Variants in MFHAS1 observed in about 807,000 individuals in gnomAD.
The protein encoded by MFHAS1 is malignant fibrous histiocytoma-amplified sequence 1.
In MFHAS1, 50 loss-of-function variants were observed where a neutral mutation model predicts 70.4. The observed-to-expected ratio is 0.71, with a 90% CI of 0.57 to 0.90. The LOEUF (loss-of-function observed/expected upper bound fraction) is 0.90, where lower values mean the gene tolerates loss of function less well. MFHAS1 is among the 40% of genes least tolerant of loss of function. The pLI, the probability that MFHAS1 is intolerant of heterozygous loss-of-function variation, is 0.00. For synonymous variants in MFHAS1, 952 were observed against 620.0 expected, an observed-to-expected ratio of 1.54 and a Z score of -7.96; for missense variants, 1,795 against 1,347.6, an observed-to-expected ratio of 1.33 and a Z score of -5.20.
At chr8:8,857,299 G>A (rs67910701) in intron 1 of MFHAS1, among the ~76,000 whole-genome samples, 15,872 of 152,090 alleles carry the variant, frequency 0.1, 1,672 homozygotes, top group African/African-American at 0.26. Flanking sequence ...GCACAAGTTT[G>A]CTCCTAATTT....
chr8:8,815,349 C>A (rs1010325419), intron 1 of MFHAS1, among the ~76,000 whole-genome samples: 5 of 152,108 alleles, frequency 3.3e-5, no homozygotes, highest in South Asian at 2.1e-4. Context: ...ATCTTTATAA[C>A]AGAATGATTT....
intron 1 of MFHAS1, among the ~76,000 whole-genome samples, chr8:8,873,571 GT>G (rs1294654047): frequency 1.1e-4 from 17 of 151,738 alleles, no homozygotes; most frequent in Non-Finnish European, 5.9e-5. Flanking sequence ...AAGAGTGTGG[GT>G]AATCTCTTAA....
chr8:8,844,398 A>G (rs535593414), intron 1 of MFHAS1, among the ~76,000 whole-genome samples: 1 of 152,332 alleles, frequency 6.6e-6, no homozygotes, highest in East Asian at 1.9e-4. Flanking sequence ...TCTTCAAAAC[A>G]TGACTCTATT....
chr8:8,864,517 G>A (rs1230262189), intron 1 of MFHAS1, among the ~76,000 whole-genome samples: 1 of 152,180 alleles, frequency 6.6e-6, no homozygotes, highest in Non-Finnish European at 1.5e-5. Flanking sequence ...ATGTGTTTCA[G>A]ACAAGTCAAA....
At chr8:8,812,104 G>A (rs549587891) in intron 1 of MFHAS1, among the ~76,000 whole-genome samples, 8 of 152,314 alleles carry the variant, frequency 5.3e-5, no homozygotes, top group South Asian at 2.1e-4. Context: ...TTCCATGTGC[G>A]GCGACTCCAA....
intron 1 of MFHAS1, among the ~76,000 whole-genome samples, chr8:8,826,247 A>AGTGTGTGTGTGTGT (rs112140342): frequency 2.5e-3 from 375 of 147,862 alleles, no homozygotes; most frequent in Non-Finnish European, 4.1e-3. Flanking sequence ...AAACACAAAG[A>AGTGTGTGTGTGTGT]GTGTGTGTGT....
At position 8,884,083 on chromosome 8, in the gene MFHAS1, A is replaced by AC. The variant is rs1338761340; in HGVS notation, c.2998+5977_2998+5978insG. On this transcript the variant is annotated intron_variant, in intron 1 of 2. Coordinates refer to ENST00000276282, the MANE Select transcript of MFHAS1 (RefSeq NM_004225.3). The stretch of plus-strand genomic sequence containing the variant: ...ACACACACACACACACACACACACA[A>AC]AAAGAAAAAAAAAATTAAAGAAAAA... 7.1e-3 allele frequency among the ~76,000 whole-genome samples: 783 copies of AC among 109,740 alleles called. 4 individuals are homozygous for AC. Among genetic ancestry groups the AC allele is most frequent in the East Asian group, 0.019 (62 of 3,330 alleles). 72.0% of individuals were successfully genotyped at this position (109,740 alleles called of 152,430 possible). A position where few individuals can be genotyped will look rare whatever the true frequency, so the allele number is the denominator to read the frequency against.
At chr8:8,880,878 G>A (rs1344393156) in intron 1 of MFHAS1, among the ~76,000 whole-genome samples, 1 of 151,926 alleles carries the variant, frequency 6.6e-6, no homozygotes, top group Non-Finnish European at 1.5e-5. Context: ...AGAGATGAGG[G>A]TTCACCGCAT....
At chr8:8,842,978 G>C (rs7016846) in intron 1 of MFHAS1, among the ~76,000 whole-genome samples, 17,186 of 152,212 alleles carry the variant, frequency 0.11, 3,089 homozygotes, top group African/African-American at 0.38. Flanking sequence ...CTAAGAAAGC[G>C]AAAGAGGCCG....
chr8:8,851,522 T>G (rs1290513102), intron 1 of MFHAS1, among the ~76,000 whole-genome samples: 1 of 152,236 alleles, frequency 6.6e-6, no homozygotes, highest in African/African-American at 2.4e-5. Context: ...CAAGTTTGCT[T>G]GGCAGCTTAA....
intron 1 of MFHAS1, among the ~76,000 whole-genome samples, chr8:8,820,090 T>A (rs967386916): frequency 2.6e-5 from 4 of 152,166 alleles, no homozygotes; most frequent in Non-Finnish European, 4.4e-5. Context: ...AACAGCTCTC[T>A]CACATTTAAA....
chr8:8,890,446 A>G lies in MFHAS1; in HGVS notation c.2613T>C (p.Ala871=). 1 of 1,613,960 alleles carries G rather than the reference A, an allele frequency of 6.2e-7. No homozygotes were observed. Among genetic ancestry groups the G allele is most frequent in the East Asian group, 2.2e-5 (1 of 44,890 alleles). Residue 871 remains alanine (A), a synonymous_variant, in exon 1 of 3, where the codon GCT becomes GCC. Transcript: ENST00000276282. ...ACTGCTCAGCCACAAAAGACTGCCC[A>G]GCTAGGTTGGTCCCATTAATCCAGG... ...AEAWINGTNL[A]GQSFVAEQLQ...
intron 1 of MFHAS1, among the ~76,000 whole-genome samples, chr8:8,849,577 C>T (rs183345659): frequency 9.2e-5 from 14 of 152,246 alleles, no homozygotes; most frequent in Admixed American, 3.3e-4. Context: ...TTCACAGCTG[C>T]GGTCCTGTTC....
intron 1 of MFHAS1, among the ~76,000 whole-genome samples, chr8:8,841,633 A>G (rs1807829730): frequency 6.6e-6 from 1 of 152,124 alleles, no homozygotes. Flanking sequence ...CAAAAATGGC[A>G]ATGGTAAGGC....
intron 1 of MFHAS1, among the ~76,000 whole-genome samples, chr8:8,889,591 A>G (rs1809908361): frequency 2.0e-5 from 3 of 152,150 alleles, no homozygotes. Context: ...AAATATACAA[A>G]CCTATGTACT....
chr8:8,866,407 C>T (rs572310023), intron 1 of MFHAS1, among the ~76,000 whole-genome samples: 4 of 151,898 alleles, frequency 2.6e-5, no homozygotes, highest in African/African-American at 9.7e-5. Context: ...TAGCCTCTGC[C>T]GCCCTGGCTC....
At chr8:8,831,642 C>G (rs1052747545) in intron 1 of MFHAS1, among the ~76,000 whole-genome samples, 2 of 148,090 alleles carry the variant, frequency 1.4e-5, no homozygotes, top group African/African-American at 5.0e-5. Flanking sequence ...TTGAGACAGT[C>G]TCACTCGGTC....
intron 1 of MFHAS1, among the ~76,000 whole-genome samples, chr8:8,847,455 G>T (rs11249894): frequency 0.16 from 24,362 of 152,128 alleles, 1,990 homozygotes; most frequent in South Asian, 0.22. Flanking sequence ...GTGTTAAGAT[G>T]ACAGGTGTGA....
chr8:8,804,070 G>C (rs1344780229), intron 1 of MFHAS1, among the ~76,000 whole-genome samples: 6 of 152,176 alleles, frequency 3.9e-5, no homozygotes, highest in Admixed American at 3.3e-4. Flanking sequence ...AGCATCCAAA[G>C]ACTTTGGTAC....
Sources: gnomAD v4.1 joint callset for allele counts (sites outside exome capture counted in the v4.1 genomes callset) on GRCh38, gnomAD v4.1.1 for gene constraint, MANE v1.5 for transcripts, NCBI Gene and HGNC (gene_info 2026-07-23, HGNC 2026-07-21) for gene names.